RHBDD1: variants seen among roughly 807,000 people sequenced by gnomAD.
RHBDD1 encodes rhomboid-related protein 4.
RHBDD1 carries 38 observed loss-of-function variants against 36.3 expected under a neutral mutation model. That is an observed-to-expected ratio of 1.05 (90% CI 0.81 to 1.37). The LOEUF (loss-of-function observed/expected upper bound fraction) is 1.37, where lower values mean the gene tolerates loss of function less well. Ranked by LOEUF, RHBDD1 falls within the 40% of genes most tolerant of loss-of-function variation. The pLI, the probability that RHBDD1 is intolerant of heterozygous loss-of-function variation, is 0.00. For missense variants in RHBDD1, 393 were observed against 377.6 expected, an observed-to-expected ratio of 1.04 and a Z score of -0.34; for synonymous variants, 151 against 136.5, an observed-to-expected ratio of 1.11 and a Z score of -0.74.
At chr2:226,808,115 A>G in the RHBDD1 span, among the ~76,000 whole-genome samples, 1 of 152,204 alleles carries the variant, frequency 6.6e-6, no homozygotes, top group African/African-American at 2.4e-5. Context: ...CTACTGCAGA[A>G]ATATGATCAA....
intron 5 of RHBDD1, among the ~76,000 whole-genome samples, chr2:226,901,001 T>C (rs1415900984): frequency 2.6e-5 from 4 of 152,226 alleles, no homozygotes; most frequent in African/African-American, 9.6e-5. Flanking sequence ...ACTGAAAGTT[T>C]GTAGCCTTTG....
intron 3 of RHBDD1, among the ~76,000 whole-genome samples, chr2:226,859,326 C>A (rs759546625): frequency 7.2e-5 from 11 of 152,048 alleles, no homozygotes; most frequent in African/African-American, 2.7e-4. Context: ...TATTCCCTAA[C>A]AATACAATAA....
intron 6 of RHBDD1, among the ~76,000 whole-genome samples, chr2:226,907,273 G>A (rs1262907708): frequency 6.6e-6 from 1 of 152,162 alleles, no homozygotes; most frequent in Non-Finnish European, 1.5e-5. Context: ...AACAAAGCCT[G>A]GACTGAAGTG....
At chr2:226,915,288 C>G (rs1488712723) in intron 8 of RHBDD1, among the ~76,000 whole-genome samples, 3 of 152,104 alleles carry the variant, frequency 2.0e-5, no homozygotes, top group Non-Finnish European at 4.4e-5. Context: ...TGTGGACGGG[C>G]ATTCTCTGCA....
At chr2:226,822,239 CTTATA>C in the RHBDD1 span, among the ~76,000 whole-genome samples, 1 of 152,140 alleles carries the variant, frequency 6.6e-6, no homozygotes, top group East Asian at 1.9e-4. Flanking sequence ...TTTGTTTTGG[CTTATA>C]TTATATTCAT....
In RHBDD1 at chr2:226,995,631, C is replaced by T. The variant is rs1032744404; in HGVS notation, c.*109C>T. The T allele has an allele frequency of 3.2e-5, 25 of 773,774 alleles. No homozygotes were observed. Among genetic ancestry groups the T allele is most frequent in the Non-Finnish European group, 4.0e-5 (18 of 451,598 alleles). The allele number at this position is 773,774 out of a possible 1,614,324, so 47.9% of individuals were successfully genotyped here. A position where few individuals can be genotyped will look rare whatever the true frequency, so the allele number is the denominator to read the frequency against. ...CATTTTAAACAAAAGCAGAGTACAC[C>T]GGTATTGCTCCAGATCGCTCACATC... On this transcript the variant is annotated 3_prime_UTR_variant, in exon 9 of 9. Coordinates refer to ENST00000392062, the MANE Select transcript of RHBDD1 (RefSeq NM_001167608.3).
At chr2:226,814,067 A>G in the RHBDD1 span, among the ~76,000 whole-genome samples, 4 of 152,212 alleles carry the variant, frequency 2.6e-5, no homozygotes, top group Non-Finnish European at 4.4e-5. Flanking sequence ...GGTGAGTGAT[A>G]AATATGAGTT....
chr2:226,862,661 T>A (rs1228229417), intron 3 of RHBDD1, among the ~76,000 whole-genome samples: 1 of 152,240 alleles, frequency 6.6e-6, no homozygotes, highest in Non-Finnish European at 1.5e-5. Context: ...CTTCTTCTCA[T>A]GAGCATGAAA....
chr2:226,895,966 C>A, intron 5 of RHBDD1: 1 of 209,888 alleles, frequency 4.8e-6, no homozygotes, highest in Non-Finnish European at 8.3e-6. Context: ...ATGTTACCTT[C>A]CCCACATATT....
chr2:226,972,659 C>T (rs1953768741), intron 8 of RHBDD1, among the ~76,000 whole-genome samples: 1 of 152,178 alleles, frequency 6.6e-6, no homozygotes, highest in African/African-American at 2.4e-5. Flanking sequence ...TTTTTTGAGT[C>T]AGTCATTCAG....
chr2:226,879,865 C>G (rs1945558394), intron 5 of RHBDD1, among the ~76,000 whole-genome samples: 1 of 152,142 alleles, frequency 6.6e-6, no homozygotes, highest in Non-Finnish European at 1.5e-5. Context: ...TTTTGGTCTT[C>G]TCAGAGTTGG....
Position 226,908,865 on chromosome 2 carries a change from C to G in RHBDD1, c.699C>G (p.Tyr233Ter). 6.3e-7 allele frequency: 1 copy of G among 1,599,436 alleles called. No homozygotes were observed. Reference sequence around the variant, plus strand: ...TTGGTTACCCAGGACGGCAATACTACTTTAATAGTTCAGGTAGGCACTGTA... The same window carrying G: ...TTGGTTACCCAGGACGGCAATACTAGTTTAATAGTTCAGGTAGGCACTGTA... ...SSVGYPGRQYYFNSSGSSGYQ... is the reference protein window; with the variant it reads ...SSVGYPGRQY Residue 233 changes from tyrosine (Y) to a stop codon, truncating the protein, a stop_gained, in exon 7 of 9, where the codon TAC becomes TAG. Coordinates refer to ENST00000392062, the MANE Select transcript of RHBDD1 (RefSeq NM_001167608.3). LOFTEE classifies it high-confidence loss of function.
intron 3 of RHBDD1, among the ~76,000 whole-genome samples, chr2:226,849,802 C>G (rs191366956): frequency 6.6e-6 from 1 of 152,210 alleles, no homozygotes; most frequent in South Asian, 2.1e-4. Context: ...TCTATTCCAG[C>G]TTTCAGAGTT....
At chr2:226,910,108 C>T (rs1948415871) in intron 7 of RHBDD1, among the ~76,000 whole-genome samples, 1 of 152,180 alleles carries the variant, frequency 6.6e-6, no homozygotes, top group Admixed American at 6.5e-5. Flanking sequence ...ATGAGATTGA[C>T]ACTCTGCCAA....
intron 8 of RHBDD1, among the ~76,000 whole-genome samples, chr2:226,932,549 G>A (rs1424417630): frequency 6.6e-6 from 1 of 151,876 alleles, no homozygotes; most frequent in Non-Finnish European, 1.5e-5. Context: ...GTTTTTCTCG[G>A]TATCTGCTTG....
chr2:226,936,321 C>T (rs534397566), intron 8 of RHBDD1, among the ~76,000 whole-genome samples: 1 of 151,970 alleles, frequency 6.6e-6, no homozygotes, highest in Non-Finnish European at 1.5e-5. Flanking sequence ...GTACTTATAT[C>T]TTAGATTGTA....
At chr2:226,978,519 T>G (rs1006728739) in intron 8 of RHBDD1, among the ~76,000 whole-genome samples, 1 of 152,136 alleles carries the variant, frequency 6.6e-6, no homozygotes, top group Non-Finnish European at 1.5e-5. Flanking sequence ...CGAGCCTCAG[T>G]CTTTACATCT....
At chr2:226,920,777 C>T (rs1949254626) in intron 8 of RHBDD1, among the ~76,000 whole-genome samples, 1 of 151,858 alleles carries the variant, frequency 6.6e-6, no homozygotes, top group African/African-American at 2.4e-5. Flanking sequence ...ATTCAATTTG[C>T]TATTATCTTT....
intron 8 of RHBDD1, chr2:226,914,642 C>A (rs1337265623): frequency 1.1e-5 from 2 of 174,766 alleles, no homozygotes; most frequent in Non-Finnish European, 2.4e-5. Flanking sequence ...TTCTTAGATG[C>A]ATGATAAAAA....
Sources: allele counts gnomAD v4.1 joint callset (sites outside exome capture counted in the v4.1 genomes callset), GRCh38; gene constraint gnomAD v4.1.1; transcripts MANE v1.5; gene names NCBI Gene and HGNC (gene_info 2026-07-23, HGNC 2026-07-21).